AUTS2: variants seen among roughly 807,000 people sequenced by gnomAD.
AUTS2 encodes the protein autism susceptibility gene 2 protein.
Under a neutral mutation model 112.4 loss-of-function variants are expected in AUTS2, and 17 were observed. The observed-to-expected ratio is 0.15, with a 90% CI of 0.10 to 0.23. The LOEUF (loss-of-function observed/expected upper bound fraction) is 0.23, where lower values mean the gene tolerates loss of function less well. AUTS2 is among the 10% of genes least tolerant of loss of function. The pLI is 1.00. For missense variants in AUTS2, 1,510 were observed against 1,701.6 expected (o/e 0.89, Z 1.98); for synonymous variants, 751 against 702.7 (o/e 1.07, Z -1.09).
At chr7:70,549,641 A>G (rs765274166) in intron 5 of AUTS2, among the ~76,000 whole-genome samples, 34 of 152,216 alleles carry the variant, frequency 2.2e-4, no homozygotes, top group Admixed American at 1.5e-3. Context: ...ACAGTGAGCT[A>G]TGATCATGCC....
At chr7:69,647,149 A>T (rs1795062145) in intron 1 of AUTS2, among the ~76,000 whole-genome samples, 1 of 152,050 alleles carries the variant, frequency 6.6e-6, no homozygotes, top group East Asian at 1.9e-4. Flanking sequence ...TTTTTTTTTC[A>T]GGTATTTGAG....
chr7:70,304,433 T>C (rs1047308549), intron 4 of AUTS2, among the ~76,000 whole-genome samples: 14 of 152,228 alleles, frequency 9.2e-5, no homozygotes, highest in African/African-American at 3.4e-4. Context: ...TTAACTGCCC[T>C]GGATCCGAAT....
intron 2 of AUTS2, among the ~76,000 whole-genome samples, chr7:70,064,661 G>C (rs181366892): frequency 2.0e-5 from 3 of 152,108 alleles, no homozygotes; most frequent in Non-Finnish European, 4.4e-5. Flanking sequence ...AGACTTAAAG[G>C]CAAATGTGGT....
rs1393952095 is a variant in AUTS2 at position 69,952,553 on chromosome 7, G to T, written c.522+53055G>T. ...TAATACTGGGTTAAATATCTAAGTT[G>T]TGTGACTTTGGGCATGAGTTTCTGC... On this transcript the variant is annotated intron_variant, in intron 2 of 18. Coordinates refer to ENST00000342771, the MANE Select transcript of AUTS2 (RefSeq NM_015570.4). 2.6e-5 allele frequency among the ~76,000 whole-genome samples: 4 copies of T among 152,168 alleles called. No individual in the cohort carries two copies. In the East Asian group the frequency reaches 5.8e-4, roughly 22 times the overall value.
intron 1 of AUTS2, among the ~76,000 whole-genome samples, chr7:69,884,696 A>G (rs537831903): frequency 5.0e-4 from 76 of 152,354 alleles, no homozygotes; most frequent in Non-Finnish European, 9.1e-4. Flanking sequence ...TTAAGAAACT[A>G]GGTAAAAATC....
intron 5 of AUTS2, among the ~76,000 whole-genome samples, chr7:70,531,857 G>A (rs916475146): frequency 1.3e-5 from 2 of 152,178 alleles, no homozygotes; most frequent in Non-Finnish European, 1.5e-5. Flanking sequence ...AAAACTTAGC[G>A]ACTTTAAACA....
intron 8 of AUTS2, among the ~76,000 whole-genome samples, chr7:70,765,838 A>T (rs1263964161): frequency 1.3e-5 from 2 of 152,180 alleles, no homozygotes; most frequent in African/African-American, 2.4e-5. Context: ...TGACAGCTGG[A>T]AATCGGACTT....
At chr7:70,250,575 T>C (rs924146159) in intron 4 of AUTS2, among the ~76,000 whole-genome samples, 4 of 152,222 alleles carry the variant, frequency 2.6e-5, no homozygotes, top group African/African-American at 4.8e-5. Context: ...ATTTTAATTA[T>C]ACATGTACTA....
intron 1 of AUTS2, among the ~76,000 whole-genome samples, chr7:69,881,993 A>G (rs1329512013): frequency 6.6e-6 from 1 of 151,686 alleles, no homozygotes; most frequent in Non-Finnish European, 1.5e-5. Flanking sequence ...TCTACTAAAA[A>G]TACAAAATTA....
intron 1 of AUTS2, among the ~76,000 whole-genome samples, chr7:69,749,097 G>A (rs1314104950): frequency 1.3e-5 from 2 of 152,092 alleles, no homozygotes; most frequent in Non-Finnish European, 2.9e-5. Flanking sequence ...GTCATTGTCA[G>A]GATTGAATGA....
chr7:70,612,421 T>C (rs1804142786), intron 5 of AUTS2, among the ~76,000 whole-genome samples: 1 of 152,068 alleles, frequency 6.6e-6, no homozygotes, highest in Admixed American at 6.6e-5. Flanking sequence ...CAACCTTTTT[T>C]CCCAGCAGAA....
chr7:70,519,116 A>G (rs932181406), intron 5 of AUTS2, among the ~76,000 whole-genome samples: 1 of 152,184 alleles, frequency 6.6e-6, no homozygotes, highest in Non-Finnish European at 1.5e-5. Flanking sequence ...TTTCTTTTAC[A>G]TCTACTCTGT....
chr7:70,141,859 A>AT (rs1226261208), intron 4 of AUTS2, among the ~76,000 whole-genome samples: 1 of 152,208 alleles, frequency 6.6e-6, no homozygotes, highest in Non-Finnish European at 1.5e-5. Context: ...GGTGAGAGAC[A>AT]TTTAAACATT....
chr7:70,415,565 C>T (rs528632494), intron 4 of AUTS2, among the ~76,000 whole-genome samples: 108 of 152,236 alleles, frequency 7.1e-4, no homozygotes, highest in Non-Finnish European at 1.0e-3. Context: ...AAAAAAGTGT[C>T]CTGGTACATC....
At chr7:70,278,108 G>T (rs936446024) in intron 4 of AUTS2, among the ~76,000 whole-genome samples, 1 of 152,050 alleles carries the variant, frequency 6.6e-6, no homozygotes, top group Non-Finnish European at 1.5e-5. Flanking sequence ...AGGTATACCT[G>T]TGCACATTAC....
chr7:70,616,246 A>G (rs1804359372), intron 5 of AUTS2, among the ~76,000 whole-genome samples: 1 of 152,216 alleles, frequency 6.6e-6, no homozygotes. Context: ...ACTCTTACAC[A>G]GGGGTCTTAT....
At chr7:69,939,905 TG>T (rs1796557329) in intron 2 of AUTS2, among the ~76,000 whole-genome samples, 1 of 152,216 alleles carries the variant, frequency 6.6e-6, no homozygotes, top group Non-Finnish European at 1.5e-5. Context: ...TCTGTGTATT[TG>T]ACATTGCATG....
At chr7:70,016,264 G>T (rs961058198) in intron 2 of AUTS2, among the ~76,000 whole-genome samples, 28 of 152,136 alleles carry the variant, frequency 1.8e-4, no homozygotes, top group Non-Finnish European at 3.7e-4. Context: ...AAGAAGGTCA[G>T]TTTGACAGAC....
chr7:69,749,212 C>G (rs1299020674), intron 1 of AUTS2, among the ~76,000 whole-genome samples: 1 of 152,110 alleles, frequency 6.6e-6, no homozygotes, highest in East Asian at 1.9e-4. Context: ...ATACAGACTT[C>G]TATTCCTTTG....
Sources: gnomAD v4.1 joint callset for allele counts (sites outside exome capture counted in the v4.1 genomes callset) on GRCh38, gnomAD v4.1.1 for gene constraint, MANE v1.5 for transcripts, NCBI Gene and HGNC (gene_info 2026-07-23, HGNC 2026-07-21) for gene names.